CCDC85A: variants seen among roughly 807,000 people sequenced by gnomAD.
CCDC85A encodes the protein coiled-coil domain containing 85A.
CCDC85A carries 38 observed loss-of-function variants against 50.2 expected under a neutral mutation model. That is an observed-to-expected ratio of 0.76 (90% CI 0.58 to 0.99). The LOEUF (loss-of-function observed/expected upper bound fraction) is 0.99. Ranked by LOEUF, CCDC85A falls within the 50% of genes least tolerant of loss-of-function variation. The pLI is 0.00. For synonymous variants in CCDC85A, 366 were observed against 301.4 expected (o/e 1.21, Z -2.22); for missense variants, 820 against 742.0 (o/e 1.11, Z -1.22).
intron 3 of CCDC85A, among the ~76,000 whole-genome samples, chr2:56,353,781 G>A (rs1675086054): frequency 6.6e-6 from 1 of 152,158 alleles, no homozygotes; most frequent in South Asian, 2.1e-4. Flanking sequence ...TTTGAAGAGA[G>A]CCAAAAACTA....
rs375380521 is a variant in CCDC85A, at chr2:56,384,301, G to A, written c.1608G>A (p.Ser536=). ...VWRKLGDAAG[S]CPGIRQHLSG... ...GGAAACTTGGAGATGCTGCAGGTTC[G>A]TGTCCTGGAATTAGGCAACATTTGT... The change falls in exon 6 of 6, where the codon TCG becomes TCA. Residue 536 remains serine (S), a synonymous_variant. Coordinates refer to ENST00000407595, the MANE Select transcript of CCDC85A (RefSeq NM_001080433.2). The A allele has an allele frequency of 6.2e-4, 992 of 1,610,630 alleles. 9 individuals are homozygous for A. The South Asian group carries it at 7.8e-3, about 13-fold the overall frequency.
intron 2 of CCDC85A, among the ~76,000 whole-genome samples, chr2:56,225,071 T>C (rs1186975936): frequency 1.6e-5 from 2 of 127,512 alleles, no homozygotes; most frequent in Non-Finnish European, 3.2e-5. Flanking sequence ...TAGTTGGGTC[T>C]ACAATCCATT....
At chr2:56,314,630 TC>T (rs11357996) in intron 2 of CCDC85A, among the ~76,000 whole-genome samples, 7,255 of 152,172 alleles carry the variant, frequency 0.048, 580 homozygotes, top group African/African-American at 0.16. Context: ...GAATATTTCT[TC>T]CCCCAGTTTG....
intron 2 of CCDC85A, among the ~76,000 whole-genome samples, chr2:56,223,748 C>T (rs150071898): frequency 4.9e-4 from 74 of 152,176 alleles, no homozygotes; most frequent in Middle Eastern, 3.4e-3. Flanking sequence ...ATTATTCTGA[C>T]CATCAATGTT....
intron 2 of CCDC85A, among the ~76,000 whole-genome samples, chr2:56,330,816 A>T (rs1439414123): frequency 6.6e-6 from 1 of 152,138 alleles, no homozygotes; most frequent in African/African-American, 2.4e-5. Flanking sequence ...TTGTATAGAA[A>T]TTTCCCAGAG....
At chr2:56,289,385 T>C (rs1317120458) in intron 2 of CCDC85A, among the ~76,000 whole-genome samples, 2 of 152,164 alleles carry the variant, frequency 1.3e-5, no homozygotes, top group African/African-American at 4.8e-5. Context: ...CACTAGGGGA[T>C]GCAGTTACCC....
In CCDC85A at chr2:56,342,955, G is replaced by C; in HGVS notation, c.1317G>C (p.Gln439His). The change falls in exon 3 of 6, where the codon CAG (glutamine) becomes CAC (histidine). Residue 439 changes from glutamine to histidine, a missense_variant and splice_region_variant. Gln to His is a conservative substitution (Grantham distance 24, BLOSUM62 0). Transcript: ENST00000407595. Reference sequence around the variant, plus strand: ...AGGAAGAAAATCGCATGCTGCCCCAGGTGGGTGACTTCCAGAAGCTCATAG... The same window carrying C: ...AGGAAGAAAATCGCATGCTGCCCCACGTGGGTGACTTCCAGAAGCTCATAG... Reference protein sequence around the residue: ...QLEEENRMLPQASQNRRQPPT... With the variant: ...QLEEENRMLPHASQNRRQPPT... The C allele has an allele frequency of 1.3e-6, 2 of 1,587,702 alleles. No homozygotes were observed. The highest frequency in any genetic ancestry group is 1.7e-6 in the Non-Finnish European group (2 of 1,165,630).
chr2:56,350,443 T>A (rs1426186631), intron 3 of CCDC85A, among the ~76,000 whole-genome samples: 3 of 152,182 alleles, frequency 2.0e-5, no homozygotes, highest in Non-Finnish European at 4.4e-5. Context: ...TGGTGGCAAA[T>A]GCCTGTAATC....
intron 2 of CCDC85A, among the ~76,000 whole-genome samples, chr2:56,225,312 G>A (rs535639962): frequency 3.3e-5 from 5 of 152,200 alleles, no homozygotes; most frequent in African/African-American, 1.2e-4. Flanking sequence ...TGTAATCCCA[G>A]CTACTTGGGA....
intron 2 of CCDC85A, among the ~76,000 whole-genome samples, chr2:56,194,566 G>A (rs1328305569): frequency 2.6e-5 from 4 of 152,170 alleles, no homozygotes; most frequent in African/African-American, 9.7e-5. Context: ...ACAAGAAGGG[G>A]TAAATTTCAA....
chr2:56,208,169 C>T (rs1334909128), intron 2 of CCDC85A, among the ~76,000 whole-genome samples: 1 of 151,622 alleles, frequency 6.6e-6, no homozygotes, highest in Non-Finnish European at 1.5e-5. Context: ...CTAATTTTAT[C>T]CATACAATGA....
chr2:56,251,940 T>C (rs1453337079), intron 2 of CCDC85A, among the ~76,000 whole-genome samples: 1 of 152,142 alleles, frequency 6.6e-6, no homozygotes, highest in Non-Finnish European at 1.5e-5. Flanking sequence ...TTAGGGTACA[T>C]GTGCACAACG....
chr2:56,374,262 G>T (rs1356239197), intron 4 of CCDC85A, among the ~76,000 whole-genome samples: 1 of 152,100 alleles, frequency 6.6e-6, no homozygotes, highest in Non-Finnish European at 1.5e-5. Flanking sequence ...CTGGATTATA[G>T]AACTCTTTGA....
At chr2:56,282,086 GTTA>G (rs1041114912) in intron 2 of CCDC85A, among the ~76,000 whole-genome samples, 4 of 150,948 alleles carry the variant, frequency 2.6e-5, no homozygotes. Flanking sequence ...GATCCATTTT[GTTA>G]TTATTATTAG....
At chr2:56,329,945 G>GTTTTTTTTTTTTTTTTTTTT (rs535050957) in intron 2 of CCDC85A, among the ~76,000 whole-genome samples, 5 of 44,160 alleles carry the variant, frequency 1.1e-4, no homozygotes, top group African/African-American at 3.6e-4. Flanking sequence ...CAGATTTCCT[G>GTTTTTTTTTTTTTTTTTTTT]TTTTTTTTTT....
At chr2:56,285,101 CTT>C (rs1296011376) in intron 2 of CCDC85A, among the ~76,000 whole-genome samples, 1 of 145,024 alleles carries the variant, frequency 6.9e-6, no homozygotes, top group Non-Finnish European at 1.5e-5. Context: ...TCTTTTCTTT[CTT>C]TTTTTTTTTT....
chr2:56,253,657 G>A (rs1301182831), intron 2 of CCDC85A, among the ~76,000 whole-genome samples: 2 of 152,090 alleles, frequency 1.3e-5, no homozygotes, highest in African/African-American at 2.4e-5. Context: ...CTGGAGAGGA[G>A]GTGGCCTAGT....
At chr2:56,351,602 G>A (rs1674944052) in intron 3 of CCDC85A, among the ~76,000 whole-genome samples, 1 of 143,912 alleles carries the variant, frequency 6.9e-6, no homozygotes, top group Non-Finnish European at 1.5e-5. Context: ...CTGATGGCCA[G>A]TGATGGTGAG....
intron 2 of CCDC85A, among the ~76,000 whole-genome samples, chr2:56,315,098 G>A (rs1388586678): frequency 6.6e-6 from 1 of 152,094 alleles, no homozygotes; most frequent in African/African-American, 2.4e-5. Flanking sequence ...TCCACACAGA[G>A]CATTATTTTC....
Sources: gnomAD v4.1 joint callset for allele counts (sites outside exome capture counted in the v4.1 genomes callset) on GRCh38, gnomAD v4.1.1 for gene constraint, MANE v1.5 for transcripts, NCBI Gene and HGNC (gene_info 2026-07-23, HGNC 2026-07-21) for gene names.